Variants in OSBPL8 observed in about 807,000 individuals in gnomAD.
OSBPL8 encodes the protein oxysterol-binding protein-related protein 8.
A neutral mutation model predicts 125.5 loss-of-function variants in OSBPL8; 59 were observed. The observed-to-expected ratio is 0.47, with a 90% CI of 0.38 to 0.58. OSBPL8 has a LOEUF of 0.58. Ranked by LOEUF, OSBPL8 falls within the 20% of genes least tolerant of loss-of-function variation. OSBPL8 has a pLI of 0.00. For synonymous variants in OSBPL8, 330 were observed against 338.9 expected (o/e 0.97, Z 0.29); for missense variants, 758 against 1,047.8 (o/e 0.72, Z 3.82).
chr12:76,425,520 C>T (rs965648215), intron 4 of OSBPL8, among the ~76,000 whole-genome samples: 1 of 152,132 alleles, frequency 6.6e-6, no homozygotes, highest in Non-Finnish European at 1.5e-5. Flanking sequence ...GCATGGGGTA[C>T]AGAAACAGGA....
intron 4 of OSBPL8, among the ~76,000 whole-genome samples, chr12:76,446,223 C>A (rs1872708581): frequency 6.6e-6 from 1 of 152,126 alleles, no homozygotes; most frequent in Non-Finnish European, 1.5e-5. Context: ...AGCTAAAATG[C>A]TGATCATGAG....
chr12:76,505,808 G>T (rs554745593), intron 1 of OSBPL8, among the ~76,000 whole-genome samples: 2 of 152,252 alleles, frequency 1.3e-5, no homozygotes, highest in East Asian at 3.9e-4. Context: ...TGAGCAAAGA[G>T]AACAGAAATG....
At chr12:76,378,962 G>T (rs1247013122) in intron 15 of OSBPL8, among the ~76,000 whole-genome samples, 1 of 152,022 alleles carries the variant, frequency 6.6e-6, no homozygotes, top group Non-Finnish European at 1.5e-5. Flanking sequence ...TAGAGACAGG[G>T]TTTCCCCATG....
At chr12:76,422,911 C>T (rs991081166) in intron 4 of OSBPL8, 18 of 203,378 alleles carry the variant, frequency 8.9e-5, no homozygotes, top group African/African-American at 4.1e-4. Flanking sequence ...AAAGGCTATT[C>T]TACTAATGTT....
intron 1 of OSBPL8, among the ~76,000 whole-genome samples, chr12:76,531,022 T>C (rs1310576200): frequency 5.3e-5 from 8 of 152,180 alleles, no homozygotes; most frequent in Admixed American, 3.3e-4. Context: ...CACACTGCTA[T>C]AAACAACTGC....
At chr12:76,474,552 G>A (rs190695768) in intron 2 of OSBPL8, among the ~76,000 whole-genome samples, 4 of 152,218 alleles carry the variant, frequency 2.6e-5, no homozygotes, top group Admixed American at 1.3e-4. Context: ...CATGATCTTG[G>A]CTCACTGCAG....
intron 15 of OSBPL8, among the ~76,000 whole-genome samples, chr12:76,383,039 CTT>C (rs1953129989): frequency 6.6e-6 from 1 of 152,112 alleles, no homozygotes; most frequent in Non-Finnish European, 1.5e-5. Flanking sequence ...GAAAAAATGT[CTT>C]TTGAATTTAC....
intron 4 of OSBPL8, among the ~76,000 whole-genome samples, chr12:76,430,481 C>T (rs920611155): frequency 7.2e-5 from 11 of 152,154 alleles, no homozygotes; most frequent in African/African-American, 2.7e-4. Context: ...CATCAGTCTA[C>T]ATGAATCACA....
At chr12:76,489,830 TC>T (rs1446604725) in intron 1 of OSBPL8, among the ~76,000 whole-genome samples, 2 of 152,258 alleles carry the variant, frequency 1.3e-5, no homozygotes, top group Admixed American at 1.3e-4. Flanking sequence ...AGATAGTGAT[TC>T]CTCTGATGGA....
At position 76,354,034 on chromosome 12, in the gene OSBPL8, A is replaced by G. The variant is rs1043012211; in HGVS notation, c.*1855T>C. On this transcript the variant is annotated 3_prime_UTR_variant, in exon 24 of 24. Transcript: ENST00000261183. Reference sequence around the variant, plus strand: ...ATGAAATGATTTTTGTGATAAGCCAATCAATTTGTATGTAATTAACTAATT... The same window carrying G: ...ATGAAATGATTTTTGTGATAAGCCAGTCAATTTGTATGTAATTAACTAATT... 1.3e-5 allele frequency: 2 copies of G among 152,400 alleles called. No individual in the cohort carries two copies. Among genetic ancestry groups the G allele is most frequent in the Non-Finnish European group, 2.9e-5 (2 of 67,814 alleles). 9.4% of individuals were successfully genotyped at this position (152,400 alleles called of 1,614,324 possible).
chr12:76,548,525 C>T (rs552797605), intron 1 of OSBPL8, among the ~76,000 whole-genome samples: 50 of 151,990 alleles, frequency 3.3e-4, no homozygotes, highest in African/African-American at 1.1e-3. Context: ...TACCTCCAGG[C>T]AAAAAAACAA....
chr12:76,438,137 C>T (rs551452670), intron 4 of OSBPL8, among the ~76,000 whole-genome samples: 2 of 151,774 alleles, frequency 1.3e-5, no homozygotes, highest in African/African-American at 4.8e-5. Flanking sequence ...CAGGCACGCA[C>T]CACCACGCCC....
intron 4 of OSBPL8, among the ~76,000 whole-genome samples, chr12:76,431,303 A>AC (rs1870792898): frequency 1.3e-5 from 2 of 151,744 alleles, no homozygotes; most frequent in Non-Finnish European, 1.5e-5. Flanking sequence ...AAGAAAAAAA[A>AC]ACACACAAAA....
intron 8 of OSBPL8, among the ~76,000 whole-genome samples, chr12:76,396,008 T>C (rs368533535): frequency 1.5e-4 from 23 of 150,668 alleles, no homozygotes; most frequent in East Asian, 3.9e-4. Flanking sequence ...TATATATATA[T>C]ACATATATGT....
intron 8 of OSBPL8, among the ~76,000 whole-genome samples, chr12:76,396,962 A>C (rs907688608): frequency 6.6e-6 from 1 of 151,886 alleles, no homozygotes; most frequent in Non-Finnish European, 1.5e-5. Flanking sequence ...CTACAGGTAC[A>C]TGCCACCATA....
intron 21 of OSBPL8, among the ~76,000 whole-genome samples, chr12:76,365,741 C>T (rs974217874): frequency 2.0e-5 from 3 of 152,088 alleles, no homozygotes; most frequent in Non-Finnish European, 4.4e-5. Context: ...TTCATAAATG[C>T]CCTTAATGAT....
intron 1 of OSBPL8, among the ~76,000 whole-genome samples, chr12:76,491,083 C>A (rs1469677715): frequency 6.6e-6 from 1 of 152,212 alleles, no homozygotes; most frequent in Non-Finnish European, 1.5e-5. Context: ...ACGTTGTTCA[C>A]TCACTCACTC....
intron 1 of OSBPL8, among the ~76,000 whole-genome samples, chr12:76,507,579 G>A (rs1880536362): frequency 6.6e-6 from 1 of 151,692 alleles, no homozygotes; most frequent in African/African-American, 2.4e-5. Flanking sequence ...CAGCAGTTTG[G>A]GAGGCCTAGG....
chr12:76,465,699 T>C (rs149015854), intron 2 of OSBPL8, among the ~76,000 whole-genome samples: 3 of 151,648 alleles, frequency 2.0e-5, no homozygotes, highest in Admixed American at 2.0e-4. Flanking sequence ...ATAGCAAGCA[T>C]GTAGTCATTA....
Sources: gnomAD v4.1 joint callset for allele counts (sites outside exome capture counted in the v4.1 genomes callset) on GRCh38, gnomAD v4.1.1 for gene constraint, MANE v1.5 for transcripts, NCBI Gene and HGNC (gene_info 2026-07-23, HGNC 2026-07-21) for gene names.